Variants in TRAPPC8 observed in about 807,000 individuals in gnomAD.
The protein encoded by TRAPPC8 is trafficking protein particle complex subunit 8.
In TRAPPC8, 54 loss-of-function variants were observed where a neutral mutation model predicts 174.3. That is an observed-to-expected ratio of 0.31 (90% CI 0.25 to 0.39). TRAPPC8 has a LOEUF of 0.39. Ranked by LOEUF, TRAPPC8 falls within the 10% of genes least tolerant of loss-of-function variation. The probability of loss-of-function intolerance (pLI) is 1.00; values close to 1 mark genes in which losing one functional copy is unlikely to be tolerated. For missense variants in TRAPPC8, 1,531 were observed against 1,699.1 expected (o/e 0.90, Z 1.74); for synonymous variants, 630 against 579.9 (o/e 1.09, Z -1.24).
At chr18:31,924,462 G>GAA (rs1183461154) in intron 2 of TRAPPC8, among the ~76,000 whole-genome samples, 15 of 96,932 alleles carry the variant, frequency 1.5e-4, no homozygotes, top group Admixed American at 2.2e-4. Flanking sequence ...CCTCCCCACC[G>GAA]AAAAAAAAAA....
intron 26 of TRAPPC8, among the ~76,000 whole-genome samples, chr18:31,840,592 T>C (rs2033038094): frequency 6.6e-6 from 1 of 152,260 alleles, no homozygotes; most frequent in African/African-American, 2.4e-5. Context: ...GCCCATGGGC[T>C]AAATCCAGCC....
chr18:31,936,748 GAAAATT>G lies in TRAPPC8; in HGVS notation c.158-5231_158-5226del, dbSNP rs1344327796. ...AAAACCCTGTCTCTACTAACAACACGAAAATTAGCCAGGAGTGGTGGCCCGTGCCTG... is the reference window on the plus strand; with the variant it reads ...AAAACCCTGTCTCTACTAACAACACGAGCCAGGAGTGGTGGCCCGTGCCTG... On this transcript the variant is annotated intron_variant, in intron 1 of 28. Coordinates refer to ENST00000283351, the MANE Select transcript of TRAPPC8 (RefSeq NM_014939.5). Among the ~76,000 whole-genome samples the G allele has an allele frequency of 3.3e-4, 50 of 149,794 alleles. 1 individual carries two copies. In the East Asian group the frequency reaches 9.2e-3, roughly 27 times the overall value.
rs921662242 is a variant in TRAPPC8 at position 31,907,648 on chromosome 18, C to T, written c.1239-38G>A. 4.7e-6 allele frequency: 7 copies of T among 1,485,780 alleles called. No individual in the cohort carries two copies. The Admixed American group carries it at 8.4e-5, about 18-fold the overall frequency. 92.0% of individuals were successfully genotyped at this position (1,485,780 alleles called of 1,614,324 possible). ...AAGAAAATAATTTATAATTTATTAC[C>T]CCCCAAACCATTAAAATTATAAAAT... On this transcript the variant is annotated intron_variant, in intron 8 of 28. Coordinates refer to ENST00000283351, the MANE Select transcript of TRAPPC8 (RefSeq NM_014939.5).
chr18:31,845,423 A>G (rs1249508900), intron 26 of TRAPPC8, among the ~76,000 whole-genome samples: 5 of 151,914 alleles, frequency 3.3e-5, no homozygotes, highest in Non-Finnish European at 7.4e-5. Context: ...AAAGAAGAGT[A>G]CTGCATCAAT....
chr18:31,942,819 T>C lies in TRAPPC8; in HGVS notation c.-55A>G, dbSNP rs2038409646. On this transcript the variant is annotated 5_prime_UTR_variant, in exon 1 of 29. Transcript: ENST00000283351. The stretch of plus-strand genomic sequence containing the variant: ...CCCTCCGGCCCACCCTGCGAGGTTA[T>C]CCTGCGGCTGCAGCAGCTACCGCCG... 5 of 1,288,262 alleles carry C rather than the reference T, an allele frequency of 3.9e-6. No homozygotes were observed. The highest frequency in any genetic ancestry group is 4.9e-6 in the Non-Finnish European group (5 of 1,013,588). The allele number at this position is 1,288,262 out of a possible 1,614,324, so 79.8% of individuals were successfully genotyped here.
intron 18 of TRAPPC8, 126 bp downstream of exon 18, chr18:31,866,723 C>G: frequency 9.5e-7 from 1 of 1,048,854 alleles, no homozygotes; most frequent in Non-Finnish European, 1.3e-6. Flanking sequence ...ATTCTTACAT[C>G]TGGCTAAATG....
At chr18:31,899,485 TA>T (rs1315973501) in intron 10 of TRAPPC8, among the ~76,000 whole-genome samples, 1 of 152,226 alleles carries the variant, frequency 6.6e-6, no homozygotes, top group Non-Finnish European at 1.5e-5. Context: ...AGGGGTCTTA[TA>T]GGGGTCAAAA....
At chr18:31,849,430 T>C (rs2033588664) in intron 25 of TRAPPC8, 136 bp downstream of exon 25, 2 of 753,934 alleles carry the variant, frequency 2.7e-6, no homozygotes, top group Non-Finnish European at 3.7e-6. Flanking sequence ...AAAAAAAATA[T>C]GTAACTGTTA....
At chr18:31,860,910 C>T (rs2034289490) in intron 19 of TRAPPC8, among the ~76,000 whole-genome samples, 1 of 152,162 alleles carries the variant, frequency 6.6e-6, no homozygotes, top group African/African-American at 2.4e-5. Context: ...CTGCTTTCAT[C>T]CATAGCTGAA....
At chr18:31,932,912 C>A (rs1192955862) in intron 1 of TRAPPC8, among the ~76,000 whole-genome samples, 1 of 146,218 alleles carries the variant, frequency 6.8e-6, no homozygotes, top group African/African-American at 2.5e-5. Context: ...AATGCGGAGG[C>A]TGCAGTGAGC....
At chr18:31,845,339 G>C (rs998200000) in intron 26 of TRAPPC8, among the ~76,000 whole-genome samples, 2 of 152,096 alleles carry the variant, frequency 1.3e-5, no homozygotes, top group African/African-American at 2.4e-5. Flanking sequence ...TCCTGAACTG[G>C]ATCCTGGATA....
chr18:31,929,970 G>A (rs974894618), intron 2 of TRAPPC8, among the ~76,000 whole-genome samples: 14 of 151,798 alleles, frequency 9.2e-5, no homozygotes, highest in Non-Finnish European at 1.8e-4. Context: ...TCATCTTGCT[G>A]GAATTAAAAC....
chr18:31,840,121 G>A (rs2033007152), intron 26 of TRAPPC8, among the ~76,000 whole-genome samples: 1 of 152,188 alleles, frequency 6.6e-6, no homozygotes, highest in Non-Finnish European at 1.5e-5. Context: ...CACTTTGGGA[G>A]GCTGAGGAGG....
chr18:31,903,311 A>T (rs187031803), intron 9 of TRAPPC8, among the ~76,000 whole-genome samples: 1 of 152,228 alleles, frequency 6.6e-6, no homozygotes, highest in African/African-American at 2.4e-5. Context: ...CGACAGTAAT[A>T]TAAGTAATAC....
At chr18:31,873,343 C>T in intron 14 of TRAPPC8, 87 bp downstream of exon 14, 4 of 1,116,206 alleles carry the variant, frequency 3.6e-6, no homozygotes, top group African/African-American at 1.6e-5. Flanking sequence ...AAATATTCAA[C>T]TATACATCGT....
chr18:31,903,902 T>C (rs999655610), intron 9 of TRAPPC8, among the ~76,000 whole-genome samples: 2 of 151,520 alleles, frequency 1.3e-5, no homozygotes, highest in Non-Finnish European at 1.5e-5. Flanking sequence ...ACTAGGACTT[T>C]AGTTAATAAT....
chr18:31,880,350 T>C (rs894890033), intron 12 of TRAPPC8, among the ~76,000 whole-genome samples: 1 of 151,582 alleles, frequency 6.6e-6, no homozygotes, highest in South Asian at 2.1e-4. Context: ...GGTTCAATAT[T>C]TGCAAACCAA....
intron 2 of TRAPPC8, among the ~76,000 whole-genome samples, chr18:31,923,732 T>C (rs2037485371): frequency 6.8e-6 from 1 of 146,720 alleles, no homozygotes; most frequent in Non-Finnish European, 1.5e-5. Flanking sequence ...TGCCTTTCAG[T>C]AAAAGGGAAA....
chr18:31,842,789 G>A (rs1340256937), intron 26 of TRAPPC8, among the ~76,000 whole-genome samples: 1 of 152,078 alleles, frequency 6.6e-6, no homozygotes, highest in Non-Finnish European at 1.5e-5. Flanking sequence ...TTCAGACTAG[G>A]GATGCTCACC....
Sources: gnomAD v4.1 joint callset for allele counts (sites outside exome capture counted in the v4.1 genomes callset) on GRCh38, gnomAD v4.1.1 for gene constraint, MANE v1.5 for transcripts, NCBI Gene and HGNC (gene_info 2026-07-23, HGNC 2026-07-21) for gene names.